The following MDN1 variants were observed in gnomAD, a reference collection of about 807,000 sequenced individuals.
MDN1 encodes midasin.
In MDN1, 266 loss-of-function variants were observed where a neutral mutation model predicts 669.2. That is an observed-to-expected ratio of 0.40 (90% CI 0.36 to 0.44). The LOEUF (loss-of-function observed/expected upper bound fraction) is 0.44. MDN1 is among the 20% of genes least tolerant of loss of function. The pLI is 1.00. For missense variants in MDN1, 5,940 were observed against 6,754.0 expected, an observed-to-expected ratio of 0.88 and a Z score of 4.22; for synonymous variants, 2,385 against 2,457.1, an observed-to-expected ratio of 0.97 and a Z score of 0.87.
rs184130997 is a variant in MDN1, at chr6:89,690,585, T to C, written c.10749+88A>G. On this transcript the variant is annotated intron_variant, in intron 64 of 101. Coordinates refer to ENST00000369393, the MANE Select transcript of MDN1 (RefSeq NM_014611.3). ...AAATACATACATACAGAGAGAGAGA[T>C]AAAGAGGAAGAGAGAAAGCCATCAG... The C allele has an allele frequency of 8.7e-6, 13 of 1,490,596 alleles. No individual in the cohort carries two copies. In the Admixed American group the frequency reaches 2.2e-4, roughly 25 times the overall value. The allele number at this position is 1,490,596 out of a possible 1,614,324, so 92.3% of individuals were successfully genotyped here.
chr6:89,746,610 AAAAAGAAAGAAAG>A (rs1179426272), intron 27 of MDN1, among the ~76,000 whole-genome samples: 2,610 of 13,286 alleles, frequency 0.2, 175 homozygotes, highest in East Asian at 0.52. Context: ...AAAAAAAAAA[AAAAAGAAAGAAAG>A]AAAGAAAGAA....
chr6:89,646,089 C>T (rs1438031859), intron 100 of MDN1, among the ~76,000 whole-genome samples: 3 of 152,152 alleles, frequency 2.0e-5, no homozygotes, highest in African/African-American at 7.2e-5. Context: ...CCCTGGAGAA[C>T]CCGCATACAT....
At chr6:89,795,375 C>T (rs1034299145) in intron 2 of MDN1, among the ~76,000 whole-genome samples, 3 of 151,826 alleles carry the variant, frequency 2.0e-5, no homozygotes, top group Admixed American at 1.3e-4. Context: ...AGAAGAGATG[C>T]TTAAGTTACA....
intron 2 of MDN1, among the ~76,000 whole-genome samples, chr6:89,801,636 T>A (rs576902182): frequency 4.5e-4 from 67 of 147,676 alleles, no homozygotes; most frequent in African/African-American, 1.6e-3. Flanking sequence ...GGTGACAGAG[T>A]GAGACTCCGT....
chr6:89,759,623 G>A (rs1817431500), intron 17 of MDN1, among the ~76,000 whole-genome samples: 1 of 152,048 alleles, frequency 6.6e-6, no homozygotes, highest in African/African-American at 2.4e-5. Context: ...AAATAGCCGG[G>A]CGTGGTGGCA....
intron 1 of MDN1, among the ~76,000 whole-genome samples, chr6:89,807,975 T>A (rs1768123355): frequency 6.6e-6 from 1 of 152,148 alleles, no homozygotes; most frequent in South Asian, 2.1e-4. Context: ...GCACATATAA[T>A]TACTATTTTT....
At chr6:89,760,754 G>T (rs961650891) in intron 17 of MDN1, among the ~76,000 whole-genome samples, 1 of 152,192 alleles carries the variant, frequency 6.6e-6, no homozygotes, top group African/African-American at 2.4e-5. Context: ...AGAAAGACAA[G>T]TATTGCATGT....
intron 96 of MDN1, 144 bp from the exon 97 acceptor site, chr6:89,650,342 C>T (rs930816392): frequency 3.6e-5 from 28 of 775,372 alleles, no homozygotes; most frequent in Admixed American, 5.9e-5. Context: ...TGTCAATTGA[C>T]GACTAAGGAT....
intron 22 of MDN1, among the ~76,000 whole-genome samples, chr6:89,751,973 C>A (rs1816979447): frequency 6.6e-6 from 1 of 152,308 alleles, no homozygotes; most frequent in South Asian, 2.1e-4. Context: ...CTATTATACT[C>A]TGGATTGCCT....
At chr6:89,706,379 G>A (rs1213508847) in intron 52 of MDN1, among the ~76,000 whole-genome samples, 187 bp from the exon 53 acceptor site, 1 of 152,040 alleles carries the variant, frequency 6.6e-6, no homozygotes, top group African/African-American at 2.4e-5. Flanking sequence ...GCAATGCTTA[G>A]AATCAGAAGT....
chr6:89,783,857 G>A (rs1818808846), intron 9 of MDN1, among the ~76,000 whole-genome samples: 1 of 151,972 alleles, frequency 6.6e-6, no homozygotes, highest in African/African-American at 2.4e-5. Context: ...CCCCAATAGT[G>A]GCATGCACCA....
chr6:89,728,245 G>C (rs538357883), intron 36 of MDN1, among the ~76,000 whole-genome samples: 1 of 151,246 alleles, frequency 6.6e-6, no homozygotes, highest in African/African-American at 2.4e-5. Flanking sequence ...AAAAAAAAAA[G>C]AAAACAAAAT....
intron 64 of MDN1, 59 bp downstream of exon 64, chr6:89,690,614 G>C (rs1426111173): frequency 2.5e-6 from 4 of 1,574,274 alleles, no homozygotes; most frequent in Non-Finnish European, 3.5e-6. Flanking sequence ...CCATCAGAGG[G>C]AATGTATATG....
At chr6:89,795,636 AG>A (rs1819546483) in intron 2 of MDN1, among the ~76,000 whole-genome samples, 1 of 152,180 alleles carries the variant, frequency 6.6e-6, no homozygotes, top group Non-Finnish European at 1.5e-5. Flanking sequence ...AAGAAAAAAA[AG>A]ATTCAAATAA....
Position 89,680,573 on chromosome 6 carries a change from G to A in MDN1, c.12265+16C>T. The A allele has an allele frequency of 4.3e-6, 7 of 1,609,544 alleles. No individual in the cohort carries two copies. Among genetic ancestry groups the A allele is most frequent in the Non-Finnish European group, 5.9e-6 (7 of 1,178,134 alleles). On this transcript the variant is annotated intron_variant, in intron 74 of 101. Transcript: ENST00000369393. Reference sequence around the variant, plus strand: ...AAACAGAAAGATCCACCCTTGACTTGGATGCTGGCACCCACCTGTGAACTG... The same window carrying A: ...AAACAGAAAGATCCACCCTTGACTTAGATGCTGGCACCCACCTGTGAACTG...
Position 89,787,854 on chromosome 6 carries a change from C to T in MDN1, c.1334G>A (p.Arg445Lys). ...APGFQFFATR[R>K]LLSCGGNWYR... is the part of the protein sequence containing the mutation. ...AAACAGAAAGGTTACTAGTACATAC[C>T]TCCTGGTTGCAAAAAACTGAAATCC... Residue 445 changes from arginine (R) to lysine (K), a missense_variant and splice_region_variant, in exon 8 of 102, where the codon AGA (arginine) becomes AAA (lysine). Arg to Lys is a conservative substitution (Grantham distance 26). Transcript: ENST00000369393. The T allele has an allele frequency of 6.2e-7, 1 of 1,611,308 alleles. No homozygotes were observed. Among genetic ancestry groups the T allele is most frequent in the Non-Finnish European group, 8.5e-7 (1 of 1,178,620 alleles).
Position 89,819,687 on chromosome 6 carries a change from G to T in MDN1, c.-80C>A. On this transcript the variant is annotated 5_prime_UTR_variant, in exon 1 of 102. Transcript: ENST00000369393. ...GTCCCCAAGCCGCCGAGGTCCCAGTGCCCGAGCAGCCAGCAACTACGCCCG... is the reference window on the plus strand; with the variant it reads ...GTCCCCAAGCCGCCGAGGTCCCAGTTCCCGAGCAGCCAGCAACTACGCCCG... 6.8e-6 allele frequency: 8 copies of T among 1,174,180 alleles called. No individual in the cohort carries two copies. The highest frequency in any genetic ancestry group is 1.0e-5 in the Non-Finnish European group (8 of 797,986). The allele number at this position is 1,174,180 out of a possible 1,614,324, so 72.7% of individuals were successfully genotyped here.
intron 86 of MDN1, 41 bp from the exon 87 acceptor site, chr6:89,662,280 C>T: frequency 6.3e-7 from 1 of 1,583,032 alleles, no homozygotes; most frequent in South Asian, 1.2e-5. Flanking sequence ...CACACTCAAT[C>T]CAAGAAACTG....
chr6:89,660,805 C>T lies in MDN1; in HGVS notation c.14713+626G>A, dbSNP rs527488672. ...ACTATGTAACTGACTCATTTATCAG[C>T]GAGGCCAGCTCACATCTTTCTGTCT... On this transcript the variant is annotated intron_variant, in intron 88 of 101. Coordinates refer to ENST00000369393, the MANE Select transcript of MDN1 (RefSeq NM_014611.3). Among the ~76,000 whole-genome samples, 14 of 152,202 alleles carry T rather than the reference C, an allele frequency of 9.2e-5. No individual in the cohort carries two copies. The South Asian group carries it at 1.5e-3, about 16-fold the overall frequency.
Sources: gnomAD v4.1 joint callset for allele counts (sites outside exome capture counted in the v4.1 genomes callset) on GRCh38, gnomAD v4.1.1 for gene constraint, MANE v1.5 for transcripts, NCBI Gene and HGNC (gene_info 2026-07-23, HGNC 2026-07-21) for gene names.